The following SLC22A2 variants were observed in gnomAD, a reference collection of about 807,000 sequenced individuals.
SLC22A2 encodes organic cation transporter 2.
A neutral mutation model predicts 60.5 loss-of-function variants in SLC22A2; 46 were observed. The ratio of observed to expected loss-of-function variants is 0.76; its 90% CI spans 0.60 to 0.97. SLC22A2 has a LOEUF of 0.97. SLC22A2 is among the 50% of genes least tolerant of loss of function. SLC22A2 has a pLI of 0.00. For missense variants in SLC22A2, 701 were observed against 706.6 expected (o/e 0.99, Z 0.09); for synonymous variants, 303 against 267.0 (o/e 1.13, Z -1.31).
Position 160,217,167 on chromosome 6 carries a change from A to AT in SLC22A2, c.*264dup, listed in dbSNP as rs776492236. On this transcript the variant is annotated 3_prime_UTR_variant, in exon 11 of 11. Coordinates refer to ENST00000366953, the MANE Select transcript of SLC22A2 (RefSeq NM_003058.4). ...GAATCAAATTTAAAAAAATACAAAG[A>AT]TGGAAAAAAAACCCTCCAGAAAACC... The AT allele has an allele frequency of 4.4e-5, 15 of 340,900 alleles. No individual in the cohort carries two copies. The highest frequency in any genetic ancestry group is 7.9e-5 in the Non-Finnish European group (15 of 190,546). 21.1% of individuals were successfully genotyped at this position (340,900 alleles called of 1,614,324 possible). A position where few individuals can be genotyped will look rare whatever the true frequency, so the allele number is the denominator to read the frequency against.
chr6:160,244,138 G>A (rs1259018335), intron 6 of SLC22A2: 1 of 206,298 alleles, frequency 4.8e-6, no homozygotes, highest in African/African-American at 2.3e-5. Flanking sequence ...AGGCTGGAAT[G>A]CAGTGGTGCA....
chr6:160,250,967 G>A (rs1783176463), intron 2 of SLC22A2, among the ~76,000 whole-genome samples: 1 of 152,178 alleles, frequency 6.6e-6, no homozygotes, highest in Admixed American at 6.5e-5. Context: ...GTCCCACACT[G>A]TGGCAGGTAT....
At chr6:160,249,549 T>C (rs1319741506) in intron 3 of SLC22A2, among the ~76,000 whole-genome samples, 165 bp from the exon 4 acceptor site, 3 of 152,264 alleles carry the variant, frequency 2.0e-5, no homozygotes, top group Non-Finnish European at 4.4e-5. Flanking sequence ...TATTTTGTTA[T>C]AACTATTGCT....
rs754226685 is a variant in SLC22A2, at chr6:160,258,568, C to T, written c.190G>A (p.Gly64Ser). ...PGVAELSLRC[G>S]WSPAEELNYT... ...TTCAGTTCCTCTGCAGGACTCCAGCCGCAGCGCAGACTCAGCTCGGCCACT... is the reference window on the plus strand; with the variant it reads ...TTCAGTTCCTCTGCAGGACTCCAGCTGCAGCGCAGACTCAGCTCGGCCACT... Residue 64 changes from glycine to serine, a missense_variant, in exon 1 of 11, where the codon GGC becomes AGC. By Grantham distance (56) the Gly-to-Ser change is moderately conservative. Coordinates refer to ENST00000366953, the MANE Select transcript of SLC22A2 (RefSeq NM_003058.4). The T allele has an allele frequency of 1.8e-5, 29 of 1,613,696 alleles. No individual in the cohort carries two copies. Among genetic ancestry groups the T allele is most frequent in the East Asian group, 6.7e-5 (3 of 44,890 alleles).
intron 2 of SLC22A2, among the ~76,000 whole-genome samples, chr6:160,251,670 T>C (rs1783188634): frequency 6.6e-6 from 1 of 152,238 alleles, no homozygotes; most frequent in South Asian, 2.1e-4. Context: ...CAGAAAACAA[T>C]GTTTATTTAA....
chr6:160,241,409 G>A, intron 9 of SLC22A2, 65 bp downstream of exon 9: 3 of 981,810 alleles, frequency 3.1e-6, no homozygotes, highest in African/African-American at 1.6e-5. Context: ...GAATGAAGTA[G>A]AAGAGAAGTG....
intron 2 of SLC22A2, among the ~76,000 whole-genome samples, chr6:160,252,443 A>G (rs1350629309): frequency 6.6e-6 from 1 of 152,252 alleles, no homozygotes; most frequent in African/African-American, 2.4e-5. Context: ...CATGTTCCAC[A>G]TAGGGAAGCA....
intron 5 of SLC22A2, among the ~76,000 whole-genome samples, chr6:160,246,460 T>C (rs577352795): frequency 1.1e-4 from 16 of 152,232 alleles, no homozygotes; most frequent in East Asian, 7.8e-4. Context: ...GCTTAAAAGC[T>C]TTTCAGCCTG....
chr6:160,243,629 C>G lies in SLC22A2; in HGVS notation c.1222G>C (p.Ala408Pro). 1 of 1,614,054 alleles carries G rather than the reference C, an allele frequency of 6.2e-7. No homozygotes were observed. Among genetic ancestry groups the G allele is most frequent in the Non-Finnish European group, 8.5e-7 (1 of 1,179,970 alleles). The change falls in exon 7 of 11, where the codon GCT (alanine) becomes CCT (proline). Residue 408 changes from alanine (A) to proline (P), a missense_variant. Ala to Pro is a conservative substitution (Grantham distance 27). Transcript: ENST00000366953. ...GCCCCTGCAACCATATTTGATGCAG[C>G]CCAAGGGTAACGGCGTCCGATGCGG... ...IDRIGRRYPW[A>P]ASNMVAGAAC...
At chr6:160,236,904 A>G (rs1782920587) in intron 9 of SLC22A2, among the ~76,000 whole-genome samples, 1 of 152,244 alleles carries the variant, frequency 6.6e-6, no homozygotes, top group Non-Finnish European at 1.5e-5. Context: ...TTATGGAACA[A>G]AGTTTTGTCA....
chr6:160,234,570 C>T (rs1191254996), intron 9 of SLC22A2, among the ~76,000 whole-genome samples: 1 of 152,168 alleles, frequency 6.6e-6, no homozygotes, highest in Non-Finnish European at 1.5e-5. Context: ...GGGTAACTGT[C>T]TGCTCTTTCA....
At chr6:160,218,772 C>T (rs1753211639) in intron 10 of SLC22A2, among the ~76,000 whole-genome samples, 1 of 24,626 alleles carries the variant, frequency 4.1e-5, no homozygotes, top group African/African-American at 1.6e-4. Flanking sequence ...ACAATAGCAA[C>T]AACAGCAGCA....
At position 160,223,241 on chromosome 6, in the gene SLC22A2, G is replaced by T. The variant is rs182102382; in HGVS notation, c.1601+1464C>A. 2.9e-3 allele frequency among the ~76,000 whole-genome samples: 442 copies of T among 152,276 alleles called. 4 individuals are homozygous for T. Among genetic ancestry groups the T allele is most frequent in the Non-Finnish European group, 2.9e-3 (197 of 68,012 alleles). Reference sequence around the variant, plus strand: ...TTGTCTTTATCTAGAATTTTTTAATGTACTGTTTGAATGGGTTCATATGGT... The same window carrying T: ...TTGTCTTTATCTAGAATTTTTTAATTTACTGTTTGAATGGGTTCATATGGT... On this transcript the variant is annotated intron_variant, in intron 10 of 10. Coordinates refer to ENST00000366953, the MANE Select transcript of SLC22A2 (RefSeq NM_003058.4).
At chr6:160,250,512 C>T in intron 3 of SLC22A2, 36 bp downstream of exon 3, 1 of 1,612,310 alleles carries the variant, frequency 6.2e-7, no homozygotes, top group South Asian at 1.1e-5. Context: ...AGCGAGGTTG[C>T]TTTGTTCTCA....
intron 8 of SLC22A2, among the ~76,000 whole-genome samples, chr6:160,242,075 T>C (rs1054822849): frequency 6.6e-6 from 1 of 152,184 alleles, no homozygotes; most frequent in African/African-American, 2.4e-5. Flanking sequence ...AATCCCTGTC[T>C]TGCAATTCAA....
intron 2 of SLC22A2, among the ~76,000 whole-genome samples, chr6:160,251,970 T>A (rs961341350): frequency 3.9e-5 from 6 of 152,364 alleles, no homozygotes; most frequent in Admixed American, 6.5e-5. Flanking sequence ...ATTTCATTTT[T>A]AAAAATTTTT....
At position 160,256,685 on chromosome 6, in the gene SLC22A2, C is replaced by A; in HGVS notation, c.447G>T (p.Leu149Phe). ...CATTCACTGATGACTGGAATAGGTC[C>A]AACATCCAGGAGTTGGCACATACCA... ...FNLVCANSWMLDLFQSSVNVG... is the reference protein window; with the variant it reads ...FNLVCANSWMFDLFQSSVNVG... Residue 149 changes from leucine to phenylalanine, a missense_variant, in exon 2 of 11, where the codon TTG (leucine) becomes TTT (phenylalanine). Transcript: ENST00000366953. The A allele has an allele frequency of 6.2e-7, 1 of 1,614,074 alleles. No individual in the cohort carries two copies. The highest frequency in any genetic ancestry group is 8.5e-7 in the Non-Finnish European group (1 of 1,179,924).
Position 160,258,586 on chromosome 6 carries a change from C to A in SLC22A2, c.172G>T (p.Glu58Ter), listed in dbSNP as rs138397321. The A allele has an allele frequency of 6.2e-7, 1 of 1,613,844 alleles. No homozygotes were observed. Among genetic ancestry groups the A allele is most frequent in the Admixed American group, 1.7e-5 (1 of 60,008 alleles). Reference protein sequence around the residue: ...DHRCRSPGVAELSLRCGWSPA... With the variant: ...DHRCRSPGVA ...CTCCAGCCGCAGCGCAGACTCAGCTCGGCCACTCCGGGGCTCCGGCAGCGG... is the reference window on the plus strand; with the variant it reads ...CTCCAGCCGCAGCGCAGACTCAGCTAGGCCACTCCGGGGCTCCGGCAGCGG... Residue 58 changes from glutamate to a stop codon, truncating the protein, a stop_gained, in exon 1 of 11, where the codon GAG (glutamate) becomes TAG (stop). Transcript: ENST00000366953. LOFTEE classifies it high-confidence loss of function.
intron 9 of SLC22A2, among the ~76,000 whole-genome samples, chr6:160,227,810 G>A (rs944094097): frequency 1.3e-5 from 2 of 152,288 alleles, no homozygotes; most frequent in Admixed American, 6.5e-5. Context: ...AGCTCATAAA[G>A]ACCTTGCTGG....
Sources: gnomAD v4.1 joint callset for allele counts (sites outside exome capture counted in the v4.1 genomes callset) on GRCh38, gnomAD v4.1.1 for gene constraint, MANE v1.5 for transcripts, NCBI Gene and HGNC (gene_info 2026-07-23, HGNC 2026-07-21) for gene names.